Variants in ITGA11 observed in about 807,000 individuals in gnomAD.
ITGA11 encodes the protein integrin subunit alpha 11, also known as integrin alpha-11.
In ITGA11, 97 loss-of-function variants were observed where a neutral mutation model predicts 141.9. The ratio of observed to expected loss-of-function variants is 0.68; its 90% confidence interval spans 0.58 to 0.81. The LOEUF is 0.81. Ranked by LOEUF, ITGA11 falls within the 30% of genes least tolerant of loss-of-function variation. ITGA11 has a pLI of 0.00. For synonymous variants in ITGA11, 658 were observed against 624.6 expected, an observed-to-expected ratio of 1.05 and a Z score of -0.80; for missense variants, 1,387 against 1,559.2, an observed-to-expected ratio of 0.89 and a Z score of 1.86.
intron 1 of ITGA11, among the ~76,000 whole-genome samples, chr15:68,418,836 G>A (rs1196020031): frequency 6.6e-6 from 1 of 151,576 alleles, no homozygotes; most frequent in African/African-American, 2.4e-5. Context: ...TGTCATGGGT[G>A]TGTGGATCAA....
chr15:68,405,686 G>C (rs567647015), intron 1 of ITGA11, among the ~76,000 whole-genome samples: 65 of 151,968 alleles, frequency 4.3e-4, no homozygotes, highest in African/African-American at 1.5e-3. Flanking sequence ...TCACAGAGGA[G>C]AGAGAGAGAG....
In ITGA11 at chr15:68,303,824, C is replaced by T. The variant is rs200576562; in HGVS notation, c.3443G>A (p.Ser1148Asn). ...CAGCAGTAGGAGGCCCCCCAGGGTG[C>T]TGCCTACAATGATCCAGATGGGGAC... The part of the protein sequence containing the change: ...WQVPIWIIVG[S>N]TLGGLLLLAL... Residue 1148 changes from serine (S) to asparagine (N), a missense_variant, in exon 29 of 30, where the codon AGC becomes AAC. Transcript: ENST00000315757. The surrounding 1 kb of genome is among the most constrained non-coding windows in gnomAD (Gnocchi z 5.3). 4 of 1,613,150 alleles carry T rather than the reference C, an allele frequency of 2.5e-6. No homozygotes were observed. The highest frequency in any genetic ancestry group is 2.5e-6 in the Non-Finnish European group (3 of 1,179,472).
In ITGA11 at chr15:68,426,337, A is replaced by G. The variant is rs116563689; in HGVS notation, c.52+5678T>C. ...AGCGGAATGGGAGCAGGCGGGGCAG[A>G]CAGGAGAAGATCGCCAAACCTTGAC... is the stretch of plus-strand genomic sequence containing the variant. On this transcript the variant is annotated intron_variant, in intron 1 of 29. Coordinates refer to ENST00000315757, the MANE Select transcript of ITGA11 (RefSeq NM_001004439.2). Among the ~76,000 whole-genome samples the G allele has an allele frequency of 4.7e-3, 710 of 152,346 alleles. 9 individuals are homozygous for G. The highest frequency in any genetic ancestry group is 0.017 in the African/African-American group (692 of 41,578).
At position 68,327,561 on chromosome 15, in the gene ITGA11, C is replaced by G. The variant is rs151332792; in HGVS notation, c.2068+535G>C. Among the ~76,000 whole-genome samples, 8 of 152,226 alleles carry G rather than the reference C, an allele frequency of 5.3e-5. No homozygotes were observed. In the East Asian group the frequency reaches 1.5e-3, roughly 29 times the overall value. On this transcript the variant is annotated intron_variant, in intron 16 of 29. Transcript: ENST00000315757. ...ACAGACAGTCCTGGAACCCGCAGCT[C>G]ACTTCCTGAGACCACCTGGGGCCAG...
chr15:68,323,555 T>C lies in ITGA11; in HGVS notation c.2322+1576A>G, dbSNP rs570337214. Among the ~76,000 whole-genome samples the C allele has an allele frequency of 2.6e-5, 4 of 152,292 alleles. No homozygotes were observed. The South Asian group carries it at 8.3e-4, about 32-fold the overall frequency. ...AGACTTTGTAGAATGATGGGAAGAA[T>C]GTGTCTCACTTGCTGGGGGCTAGAA... On this transcript the variant is annotated intron_variant, in intron 18 of 29. Coordinates refer to ENST00000315757, the MANE Select transcript of ITGA11 (RefSeq NM_001004439.2).
intron 1 of ITGA11, among the ~76,000 whole-genome samples, chr15:68,407,866 C>T (rs959314512): frequency 6.6e-6 from 1 of 152,226 alleles, no homozygotes; most frequent in African/African-American, 2.4e-5. Context: ...CCAGGTAGGG[C>T]AGTCCTGGTC....
chr15:68,418,574 C>G (rs1007264377), intron 1 of ITGA11, among the ~76,000 whole-genome samples: 9 of 137,658 alleles, frequency 6.5e-5, no homozygotes, highest in African/African-American at 2.4e-4. Context: ...CCCACCCCCC[C>G]ACCCCCTTCC....
In ITGA11 at chr15:68,351,321, G is replaced by A. The variant is rs61729770; in HGVS notation, c.831C>T (p.Ser277=). The A allele has an allele frequency of 8.3e-3, 13,398 of 1,613,970 alleles. 65 individuals carry two copies. Among genetic ancestry groups the A allele is most frequent in the Non-Finnish European group, 9.9e-3 (11,701 of 1,179,862 alleles). ...IVITDGESHD[S]PDLEKVIQQS... The stretch of plus-strand genomic sequence containing the variant: ...GCTGGATCACCTTCTCCAGGTCTGG[G>A]CTGTCGTGGGACTCCCCATCTGTGA... The change falls in exon 8 of 30, where the codon AGC becomes AGT. Residue 277 remains serine (S), a synonymous_variant. Transcript: ENST00000315757.
intron 10 of ITGA11, among the ~76,000 whole-genome samples, chr15:68,343,706 T>C (rs2140320678): frequency 6.6e-6 from 1 of 152,246 alleles, no homozygotes; most frequent in East Asian, 1.9e-4. Flanking sequence ...TCAGAGTGGC[T>C]GTAGAGGGGT....
chr15:68,421,621 C>T (rs1897019714), intron 1 of ITGA11, among the ~76,000 whole-genome samples: 1 of 147,792 alleles, frequency 6.8e-6, no homozygotes, highest in South Asian at 2.1e-4. Context: ...GCCTTCTGGT[C>T]TTCCTCTTTT....
At chr15:68,343,678 A>G (rs531997035) in intron 10 of ITGA11, among the ~76,000 whole-genome samples, 7 of 152,242 alleles carry the variant, frequency 4.6e-5, no homozygotes, top group Admixed American at 4.6e-4. Context: ...TCCCCCGCCA[A>G]ACTCCCGAGA....
intron 1 of ITGA11, among the ~76,000 whole-genome samples, chr15:68,425,718 T>G (rs1429405949): frequency 6.6e-6 from 1 of 152,182 alleles, no homozygotes; most frequent in Non-Finnish European, 1.5e-5. Flanking sequence ...CATTTCACAA[T>G]TTTTCCATGG....
chr15:68,348,663 C>T (rs1894811474), intron 10 of ITGA11, among the ~76,000 whole-genome samples, 167 bp downstream of exon 10: 1 of 152,144 alleles, frequency 6.6e-6, no homozygotes, highest in Admixed American at 6.5e-5. Flanking sequence ...TCCCCTCTTC[C>T]AGCCCACAGA....
At chr15:68,362,372 T>G (rs1341560215) in intron 4 of ITGA11, among the ~76,000 whole-genome samples, 1 of 152,250 alleles carries the variant, frequency 6.6e-6, no homozygotes. Context: ...TAATTTCCTT[T>G]GGTTTAGGGG....
At chr15:68,399,706 C>T (rs1896418839) in intron 2 of ITGA11, among the ~76,000 whole-genome samples, 1 of 152,020 alleles carries the variant, frequency 6.6e-6, no homozygotes, top group African/African-American at 2.4e-5. Flanking sequence ...AACATAAAAC[C>T]TAATATGGTG....
At chr15:68,411,406 A>G (rs1896768020) in intron 1 of ITGA11, among the ~76,000 whole-genome samples, 2 of 152,230 alleles carry the variant, frequency 1.3e-5, no homozygotes, top group Non-Finnish European at 2.9e-5. Flanking sequence ...TCTGCTCACT[A>G]CAGAACTGAT....
intron 9 of ITGA11, 117 bp downstream of exon 9, chr15:68,350,500 T>G: frequency 1.0e-6 from 1 of 993,180 alleles, no homozygotes; most frequent in Non-Finnish European, 1.5e-6. Flanking sequence ...TGGCATTTAT[T>G]ATTACGGAAG....
At chr15:68,365,053 C>A in intron 3 of ITGA11, 3 of 811,434 alleles carry the variant, frequency 3.7e-6, no homozygotes, top group Non-Finnish European at 4.5e-6. Context: ...CTCACCGAGC[C>A]TTCTATCTCC....
At chr15:68,373,714 G>A (rs1895654564) in intron 2 of ITGA11, among the ~76,000 whole-genome samples, 1 of 152,216 alleles carries the variant, frequency 6.6e-6, no homozygotes, top group Non-Finnish European at 1.5e-5. Flanking sequence ...CAAGACTTGT[G>A]CTTGGGATGC....
Sources: allele counts gnomAD v4.1 joint callset (sites outside exome capture counted in the v4.1 genomes callset), GRCh38; gene constraint gnomAD v4.1.1; non-coding constraint Gnocchi (gnomAD v3.1); transcripts MANE v1.5; gene names NCBI Gene and HGNC (gene_info 2026-07-23, HGNC 2026-07-21).